TMEM200A: variants seen among roughly 807,000 people sequenced by gnomAD.
The protein encoded by TMEM200A is two transmembrane C.
TMEM200A carries 12 observed loss-of-function variants against 24.3 expected under a neutral mutation model. The ratio of observed to expected loss-of-function variants is 0.49; its 90% CI spans 0.32 to 0.80. The LOEUF (loss-of-function observed/expected upper bound fraction) is 0.80, where lower values mean the gene tolerates loss of function less well. Ranked by LOEUF, TMEM200A falls within the 30% of genes least tolerant of loss-of-function variation. TMEM200A has a pLI of 0.04. For missense variants in TMEM200A, 545 were observed against 614.4 expected, an observed-to-expected ratio of 0.89 and a Z score of 1.19; for synonymous variants, 224 against 224.4, an observed-to-expected ratio of 1.00 and a Z score of 0.02.
chr6:130,435,679 G>A (rs1779985604), intron 2 of TMEM200A, among the ~76,000 whole-genome samples: 1 of 152,192 alleles, frequency 6.6e-6, no homozygotes, highest in Non-Finnish European at 1.5e-5. Flanking sequence ...GGGACAACAG[G>A]ATTTTGGAAG....
At chr6:130,379,642 A>G (rs575606622) in intron 1 of TMEM200A, among the ~76,000 whole-genome samples, 2 of 152,354 alleles carry the variant, frequency 1.3e-5, no homozygotes, top group South Asian at 4.1e-4. Flanking sequence ...CGCATTCTGC[A>G]TAGACTGGCC....
chr6:130,403,373 ATTC>A (rs1779130554), intron 2 of TMEM200A, among the ~76,000 whole-genome samples: 1 of 152,098 alleles, frequency 6.6e-6, no homozygotes, highest in Non-Finnish European at 1.5e-5. Context: ...GTAATAATGA[ATTC>A]TTCTTAATTA....
In TMEM200A at chr6:130,366,675, G is replaced by A. The variant is rs1471676069; in HGVS notation, c.-81+151G>A. ...AAACGCTGTCTCTCCTAAAGTTTGG[G>A]AAATAAACCAAGTCCGCCATCAGGT... On this transcript the variant is annotated intron_variant, in intron 1 of 2. Transcript: ENST00000296978. This position sits in a 1 kb window ranked among gnomAD's most constrained non-coding sequence, Gnocchi z 4.4. 4.3e-6 allele frequency: 3 copies of A among 703,436 alleles called. No homozygotes were observed. Among genetic ancestry groups the A allele is most frequent in the African/African-American group, 3.9e-5 (2 of 51,754 alleles). 43.6% of individuals were successfully genotyped at this position (703,436 alleles called of 1,614,324 possible). A position where few individuals can be genotyped will look rare whatever the true frequency, so the allele number is the denominator to read the frequency against.
intron 1 of TMEM200A, among the ~76,000 whole-genome samples, chr6:130,372,980 A>G (rs1438032361): frequency 6.6e-6 from 1 of 152,242 alleles, no homozygotes; most frequent in East Asian, 1.9e-4. Flanking sequence ...GTGACACAAA[A>G]GCAATGGTGA....
Position 130,366,238 on chromosome 6 carries a change from G to GC in TMEM200A, c.-360dup, listed in dbSNP as rs1034639151. ...CATCCCCTGCCCCGAGGCCTCCGGTGCCCCCCCGGCGCGGGCATAGGGGCG... is the reference window on the plus strand; with the variant it reads ...CATCCCCTGCCCCGAGGCCTCCGGTGCCCCCCCCGGCGCGGGCATAGGGGCG... On this transcript the variant is annotated 5_prime_UTR_variant, in exon 1 of 3. The change abolishes the stop of an existing upstream ORF in the 5' untranslated region. Transcript: ENST00000296978. This position sits in a 1 kb window ranked among gnomAD's most constrained non-coding sequence, Gnocchi z 4.4. The GC allele has an allele frequency of 1.9e-5, 19 of 985,032 alleles. No individual in the cohort carries two copies. Among genetic ancestry groups the GC allele is most frequent in the Non-Finnish European group, 2.2e-5 (18 of 829,822 alleles). 61.0% of individuals were successfully genotyped at this position (985,032 alleles called of 1,614,324 possible).
In TMEM200A at chr6:130,418,741, C is replaced by T. The variant is rs573010762; in HGVS notation, c.-16-21666C>T. On this transcript the variant is annotated intron_variant, in intron 2 of 2. Transcript: ENST00000296978. ...CCTTTGGTCACACAGTCACAGTGGG[C>T]AATATGCTTAACCTCTTTAGATAAG... Among the ~76,000 whole-genome samples, 14 of 152,098 alleles carry T rather than the reference C, an allele frequency of 9.2e-5. No homozygotes were observed. In the South Asian group the frequency reaches 2.7e-3, roughly 29 times the overall value.
chr6:130,387,010 G>C (rs1158684016), intron 2 of TMEM200A, among the ~76,000 whole-genome samples: 1 of 152,164 alleles, frequency 6.6e-6, no homozygotes, highest in Non-Finnish European at 1.5e-5. Context: ...CTTTAATGCT[G>C]TTGAAGTGAG....
chr6:130,423,981 C>CAAAG (rs2115188541), intron 2 of TMEM200A, among the ~76,000 whole-genome samples: 1 of 152,256 alleles, frequency 6.6e-6, no homozygotes, highest in South Asian at 2.1e-4. Flanking sequence ...TGCAAGTTAT[C>CAAAG]AAAGACAGGG....
At position 130,440,930 on chromosome 6, in the gene TMEM200A, A is replaced by C; in HGVS notation, c.508A>C (p.Ile170Leu). ...GGATATCTATTCCACAGTCATTGAC[A>C]TTCACACGCTAAGAATCAAGGAGCA... ...MRDIYSTVID[I>L]HTLRIKEQRQ... The change falls in exon 3 of 3, where the codon ATT becomes CTT. Residue 170 changes from isoleucine (I) to leucine (L), a missense_variant. By Grantham distance (5) the Ile-to-Leu change is conservative (BLOSUM62 2). Transcript: ENST00000296978. 6.2e-7 allele frequency: 1 copy of C among 1,614,108 alleles called. No individual in the cohort carries two copies. Among genetic ancestry groups the C allele is most frequent in the African/African-American group, 1.3e-5 (1 of 75,054 alleles).
intron 2 of TMEM200A, among the ~76,000 whole-genome samples, chr6:130,400,516 A>AT (rs34448742): frequency 1.1e-3 from 156 of 144,448 alleles, no homozygotes; most frequent in South Asian, 7.2e-3. Flanking sequence ...AGCTCCTATG[A>AT]TTTTTTTTTT....
At chr6:130,377,592 GCTCCTCCAAGTC>G (rs1778491137) in intron 1 of TMEM200A, among the ~76,000 whole-genome samples, 1 of 152,168 alleles carries the variant, frequency 6.6e-6, no homozygotes, top group Non-Finnish European at 1.5e-5. Flanking sequence ...GACCTAAGCT[GCTCCTCCAAGTC>G]CTCCTGCAGT....
chr6:130,419,934 C>T (rs1011265540), intron 2 of TMEM200A, among the ~76,000 whole-genome samples: 5 of 152,170 alleles, frequency 3.3e-5, no homozygotes, highest in Non-Finnish European at 7.4e-5. Context: ...AAGATGGTGC[C>T]ACACATGGTG....
Position 130,366,198 on chromosome 6 carries a change from G to A in TMEM200A, c.-407G>A. 1 of 985,196 alleles carries A rather than the reference G, an allele frequency of 1.0e-6. No homozygotes were observed. Among genetic ancestry groups the A allele is most frequent in the South Asian group, 4.7e-5 (1 of 21,276 alleles). The allele number at this position is 985,196 out of a possible 1,614,324, so 61.0% of individuals were successfully genotyped here. ...CCCGGATGGCGGCGGCCCTCTGTGA[G>A]CACCGGCAGCGGCGCATCCCCTGCC... On this transcript the variant is annotated 5_prime_UTR_variant, in exon 1 of 3. Coordinates refer to ENST00000296978, the MANE Select transcript of TMEM200A (RefSeq NM_001258277.2). This position sits in a 1 kb window ranked among gnomAD's most constrained non-coding sequence, Gnocchi z 4.4.
At chr6:130,404,758 C>T (rs1027605006) in intron 2 of TMEM200A, among the ~76,000 whole-genome samples, 6 of 117,818 alleles carry the variant, frequency 5.1e-5, no homozygotes, top group African/African-American at 2.0e-4. Flanking sequence ...TACCTATGTC[C>T]TGAATGGTTG....
In TMEM200A at chr6:130,436,383, G is replaced by A. The variant is rs1309244465; in HGVS notation, c.-16-4024G>A. Among the ~76,000 whole-genome samples the A allele has an allele frequency of 2.7e-5, 4 of 149,508 alleles. No individual in the cohort carries two copies. The South Asian group carries it at 6.3e-4, about 24-fold the overall frequency. On this transcript the variant is annotated intron_variant, in intron 2 of 2. Transcript: ENST00000296978. ...TTACAGTGAGGAGACTAGTTAACAG[G>A]ATTCTTACATTTCCCATGCCTTAGA...
At chr6:130,401,456 TCCTTCTTTCTTTTTCTTG>T (rs1275936087) in intron 2 of TMEM200A, among the ~76,000 whole-genome samples, 16 of 150,432 alleles carry the variant, frequency 1.1e-4, no homozygotes, top group African/African-American at 2.5e-4. Context: ...CTTCCTTCCT[TCCTTCTTTCTTTTTCTTG>T]CTTTCTTTTT....
chr6:130,435,952 G>A (rs566542509), intron 2 of TMEM200A, among the ~76,000 whole-genome samples: 5 of 152,294 alleles, frequency 3.3e-5, no homozygotes, highest in South Asian at 2.1e-4. Context: ...TCAAACTTAT[G>A]TACTCCCCAT....
intron 1 of TMEM200A, among the ~76,000 whole-genome samples, chr6:130,367,973 G>C (rs1353878372): frequency 3.3e-5 from 5 of 152,248 alleles, no homozygotes; most frequent in Non-Finnish European, 7.3e-5. Flanking sequence ...ATTCCAGGCA[G>C]TTAGCACAGA....
At position 130,441,041 on chromosome 6, in the gene TMEM200A, G is replaced by A; in HGVS notation, c.619G>A (p.Ala207Thr). ...NGSSCASRLA[A>T]NTIASFSGFR... ...GAGCTCCTGTGCCTCGAGATTGGCA[G>A]CAAATACGATCGCCTCTTTCTCGGG... Residue 207 changes from alanine (A) to threonine (T), a missense_variant, in exon 3 of 3, where the codon GCA becomes ACA. By Grantham distance (58) the Ala-to-Thr change is moderately conservative (BLOSUM62 0). Coordinates refer to ENST00000296978, the MANE Select transcript of TMEM200A (RefSeq NM_001258277.2). 3 of 1,613,958 alleles carry A rather than the reference G, an allele frequency of 1.9e-6. No individual in the cohort carries two copies. The highest frequency in any genetic ancestry group is 2.5e-6 in the Non-Finnish European group (3 of 1,179,944).
Sources: gnomAD v4.1 joint callset for allele counts (sites outside exome capture counted in the v4.1 genomes callset) on GRCh38, gnomAD v4.1.1 for gene constraint, Gnocchi (gnomAD v3.1) non-coding constraint, MANE v1.5 for transcripts, NCBI Gene and HGNC (gene_info 2026-07-23, HGNC 2026-07-21) for gene names.